The following ANKRD30A variants were observed in gnomAD, a reference collection of about 807,000 sequenced individuals.
ANKRD30A encodes the protein ankyrin repeat domain 30A, also known as ankyrin repeat domain-containing protein 30A.
ANKRD30A carries 170 observed loss-of-function variants against 166.3 expected under a neutral mutation model. The observed-to-expected ratio is 1.02, with a 90% CI of 0.90 to 1.16. ANKRD30A has a LOEUF of 1.16. ANKRD30A is among the 50% of genes most tolerant of loss of function. The probability of loss-of-function intolerance (pLI) is 0.00; values close to 1 mark genes in which losing one functional copy is unlikely to be tolerated. For missense variants in ANKRD30A, 1,630 were observed against 1,518.0 expected, an observed-to-expected ratio of 1.07 and a Z score of -1.23; for synonymous variants, 564 against 508.9, an observed-to-expected ratio of 1.11 and a Z score of -1.46.
chr10:37,190,268 C>G (rs1011242447), intron 25 of ANKRD30A, among the ~76,000 whole-genome samples: 1 of 151,840 alleles, frequency 6.6e-6, no homozygotes, highest in Non-Finnish European at 1.5e-5. Flanking sequence ...AAAAAGTTCT[C>G]AGGTGATGCT....
In ANKRD30A at chr10:37,133,906, G is replaced by C. The variant is rs758384465; in HGVS notation, c.618-10G>C. On this transcript the variant is annotated splice_polypyrimidine_tract_variant and intron_variant, in intron 4 of 35. Coordinates refer to ENST00000361713, the MANE Select transcript of ANKRD30A (RefSeq NM_052997.3). ...CTCATAATAATGAAGTTATCTCTTT[G>C]TTATTTTAGCACAGCCCTCATGCTT... The C allele has an allele frequency of 6.2e-7, 1 of 1,613,116 alleles. No homozygotes were observed. The highest frequency in any genetic ancestry group is 1.1e-5 in the South Asian group (1 of 90,888).
At chr10:37,220,938 A>G (rs1288188038) in intron 34 of ANKRD30A, among the ~76,000 whole-genome samples, 1 of 151,184 alleles carries the variant, frequency 6.6e-6, no homozygotes, top group African/African-American at 2.4e-5. Context: ...AAATTTCAGC[A>G]TGTGATTGAA....
chr10:37,222,475 C>T (rs942355389), intron 34 of ANKRD30A, among the ~76,000 whole-genome samples: 1 of 151,296 alleles, frequency 6.6e-6, no homozygotes, highest in Non-Finnish European at 1.5e-5. Flanking sequence ...TATTCTATTG[C>T]ATGGCTACAG....
intron 24 of ANKRD30A, among the ~76,000 whole-genome samples, chr10:37,179,563 C>T (rs1338750620): frequency 1.1e-4 from 16 of 150,198 alleles, no homozygotes; most frequent in African/African-American, 3.9e-4. Flanking sequence ...TAATATTATG[C>T]TCTAAGTATA....
downstream of ANKRD30A, among the ~76,000 whole-genome samples, chr10:37,234,037 A>G (rs1032720464): frequency 3.3e-5 from 5 of 152,188 alleles, no homozygotes; most frequent in Non-Finnish European, 5.9e-5. Flanking sequence ...TTTTTTAACT[A>G]TAAAGAAACT....
intron 13 of ANKRD30A, among the ~76,000 whole-genome samples, chr10:37,157,469 G>A (rs1319176079): frequency 6.6e-6 from 1 of 152,194 alleles, no homozygotes; most frequent in African/African-American, 2.4e-5. Context: ...GGGTTCAAGT[G>A]ATTCTGGTAC....
intron 15 of ANKRD30A, 74 bp from the exon 16 acceptor site, chr10:37,162,575 C>G (rs1839004480): frequency 1.9e-6 from 3 of 1,576,458 alleles, no homozygotes; most frequent in Admixed American, 1.7e-5. Flanking sequence ...CAGTTAAATA[C>G]TATCACGGCA....
At chr10:37,204,542 C>T (rs1428739389) in intron 31 of ANKRD30A, among the ~76,000 whole-genome samples, 1 of 152,138 alleles carries the variant, frequency 6.6e-6, no homozygotes, top group African/African-American at 2.4e-5. Context: ...CAATACCATT[C>T]AGGACAAAGG....
At chr10:37,142,839 T>C (rs1837245743) in intron 7 of ANKRD30A, among the ~76,000 whole-genome samples, 1 of 152,064 alleles carries the variant, frequency 6.6e-6, no homozygotes, top group Non-Finnish European at 1.5e-5. Flanking sequence ...TGCCTTGGCC[T>C]CCAAAAGTGC....
intron 34 of ANKRD30A, among the ~76,000 whole-genome samples, chr10:37,226,278 C>T (rs191024969): frequency 1.5e-5 from 2 of 130,734 alleles, no homozygotes; most frequent in African/African-American, 5.7e-5. Flanking sequence ...CACAACAGGC[C>T]CCGGTGTGTG....
At chr10:37,171,213 G>T in intron 21 of ANKRD30A, among the ~76,000 whole-genome samples, 1 of 124,632 alleles carries the variant, frequency 8.0e-6, no homozygotes, top group Non-Finnish European at 1.8e-5. Flanking sequence ...GCTCTGCTTT[G>T]ATTTAAGGCC....
chr10:37,133,694 C>CA (rs1836508782), intron 4 of ANKRD30A, among the ~76,000 whole-genome samples: 3 of 152,156 alleles, frequency 2.0e-5, no homozygotes. Flanking sequence ...TCTTGCCTCT[C>CA]AAAGGACTTT....
At chr10:37,148,005 G>A (rs920997476) in intron 9 of ANKRD30A, among the ~76,000 whole-genome samples, 2 of 152,118 alleles carry the variant, frequency 1.3e-5, no homozygotes, top group South Asian at 2.1e-4. Context: ...TGCAATAGGT[G>A]AGTATTAACA....
Position 37,199,779 on chromosome 10 carries a change from G to C in ANKRD30A, c.2769G>C (p.Trp923Cys), listed in dbSNP as rs775101938. 1.5e-5 allele frequency: 23 copies of C among 1,566,010 alleles called. No individual in the cohort carries two copies. Among genetic ancestry groups the C allele is most frequent in the Non-Finnish European group, 1.9e-5 (22 of 1,145,824 alleles). Residue 923 changes from tryptophan to cysteine, a missense_variant, in exon 30 of 36, where the codon TGG becomes TGC. Trp to Cys is a radical substitution (Grantham distance 215, BLOSUM62 -2). Transcript: ENST00000361713. ...AAAAGAAGGTTGAAGAAAATTCTTG[G>C]GATTCTGAGGTACTATGTGTTATTG... ...SKQKKVEENS[W>C]DSESLRETVS...
intron 11 of ANKRD30A, among the ~76,000 whole-genome samples, chr10:37,151,079 A>G (rs1400985040): frequency 7.3e-6 from 1 of 136,616 alleles, no homozygotes; most frequent in Non-Finnish European, 1.6e-5. Context: ...CAGAAGTTAA[A>G]CTTACTTTTG....
At chr10:37,248,482 C>T in the ANKRD30A span, among the ~76,000 whole-genome samples, 1 of 152,180 alleles carries the variant, frequency 6.6e-6, no homozygotes, top group Admixed American at 6.5e-5. Flanking sequence ...CTCCTTCCTG[C>T]TTCCCCCCAT....
At chr10:37,127,214 A>G (rs1836094108) in intron 1 of ANKRD30A, among the ~76,000 whole-genome samples, 1 of 152,132 alleles carries the variant, frequency 6.6e-6, no homozygotes, top group Admixed American at 6.5e-5. Flanking sequence ...TAGCAGGAAA[A>G]GAATTAGTTT....
At position 37,166,240 on chromosome 10, in the gene ANKRD30A, G is replaced by T. The variant is rs542742547; in HGVS notation, c.2065-365G>T. 4.6e-5 allele frequency among the ~76,000 whole-genome samples: 7 copies of T among 152,264 alleles called. No homozygotes were observed. In the South Asian group the frequency reaches 1.5e-3, roughly 32 times the overall value. On this transcript the variant is annotated intron_variant, in intron 18 of 35. Transcript: ENST00000361713. ...GTATGTGTCCAGGCAAGTAGCAAATGCGTTGTATTTTGTTTGAAATGTCTT... is the reference window on the plus strand; with the variant it reads ...GTATGTGTCCAGGCAAGTAGCAAATTCGTTGTATTTTGTTTGAAATGTCTT...
intron 21 of ANKRD30A, among the ~76,000 whole-genome samples, chr10:37,171,924 A>T (rs1157211569): frequency 6.9e-6 from 1 of 143,902 alleles, no homozygotes; most frequent in East Asian, 2.0e-4. Context: ...AGTTCAGAAG[A>T]TATTGATGCC....
Sources: gnomAD v4.1 joint callset for allele counts (sites outside exome capture counted in the v4.1 genomes callset) on GRCh38, gnomAD v4.1.1 for gene constraint, MANE v1.5 for transcripts, NCBI Gene and HGNC (gene_info 2026-07-23, HGNC 2026-07-21) for gene names.